PCSK5: variants seen among roughly 807,000 people sequenced by gnomAD.
PCSK5 encodes prohormone convertase 5.
Under a neutral mutation model 233.2 loss-of-function variants are expected in PCSK5, and 129 were observed. The observed-to-expected ratio is 0.55, with a 90% CI of 0.48 to 0.64. The LOEUF (loss-of-function observed/expected upper bound fraction) is 0.64, where lower values mean the gene tolerates loss of function less well. PCSK5 is among the 30% of genes least tolerant of loss of function. The pLI, the probability that PCSK5 is intolerant of heterozygous loss-of-function variation, is 0.00. For missense variants in PCSK5, 2,076 were observed against 2,430.1 expected (o/e 0.85, Z 3.06); for synonymous variants, 825 against 879.2 (o/e 0.94, Z 1.09).
intron 12 of PCSK5, among the ~76,000 whole-genome samples, chr9:76,167,900 C>T (rs1057039779): frequency 1.3e-5 from 2 of 152,198 alleles, no homozygotes; most frequent in Non-Finnish European, 2.9e-5. Flanking sequence ...AGTAACTGGA[C>T]ATGATTGCCC....
chr9:75,942,081 G>C lies in PCSK5; in HGVS notation c.297+9598G>C, dbSNP rs543920718. Reference sequence around the variant, plus strand: ...GTGGTAGTGCAGGTAACATGAGTGAGTGAGAAGGGCCAGGCAGGAGCTCAC... The same window carrying C: ...GTGGTAGTGCAGGTAACATGAGTGACTGAGAAGGGCCAGGCAGGAGCTCAC... On this transcript the variant is annotated intron_variant, in intron 2 of 37. Transcript: ENST00000674117. Among the ~76,000 whole-genome samples, 159 of 152,366 alleles carry C rather than the reference G, an allele frequency of 1.0e-3. 1 individual carries two copies. The highest frequency in any genetic ancestry group is 1.7e-3 in the Non-Finnish European group (119 of 68,038).
intron 2 of PCSK5, among the ~76,000 whole-genome samples, chr9:75,936,000 TTGTAA>T (rs1824039733): frequency 6.6e-6 from 1 of 152,200 alleles, no homozygotes; most frequent in South Asian, 2.1e-4. Flanking sequence ...AAAGCAAATA[TTGTAA>T]TAAAGCAAGT....
chr9:76,015,891 C>G (rs992299861), intron 3 of PCSK5, among the ~76,000 whole-genome samples: 1 of 152,160 alleles, frequency 6.6e-6, no homozygotes, highest in Non-Finnish European at 1.5e-5. Flanking sequence ...TCCCATTTTT[C>G]TCATCTCCCA....
intron 7 of PCSK5, among the ~76,000 whole-genome samples, chr9:76,074,355 G>A (rs1477990935): frequency 3.9e-5 from 6 of 151,920 alleles, no homozygotes; most frequent in African/African-American, 1.4e-4. Flanking sequence ...TTTTACTTAG[G>A]GAAAAAAAGG....
At chr9:76,112,232 CA>C (rs1832248210) in intron 9 of PCSK5, among the ~76,000 whole-genome samples, 1 of 152,116 alleles carries the variant, frequency 6.6e-6, no homozygotes, top group Non-Finnish European at 1.5e-5. Context: ...GGGACTGAGT[CA>C]GGTTGAAACT....
intron 1 of PCSK5, among the ~76,000 whole-genome samples, chr9:75,921,089 A>G (rs774733950): frequency 6.6e-6 from 1 of 152,166 alleles, no homozygotes; most frequent in Non-Finnish European, 1.5e-5. Context: ...AGATAGGAAT[A>G]TTTAAATGGA....
intron 20 of PCSK5, among the ~76,000 whole-genome samples, chr9:76,211,572 G>A (rs1825328742): frequency 6.6e-6 from 1 of 152,212 alleles, no homozygotes; most frequent in Admixed American, 6.5e-5. Context: ...TTAAGTCTGG[G>A]CATGGTGGCT....
chr9:75,948,128 T>C (rs2131316475), intron 2 of PCSK5, among the ~76,000 whole-genome samples: 1 of 152,256 alleles, frequency 6.6e-6, no homozygotes, highest in East Asian at 1.9e-4. Flanking sequence ...ATTATAGGCA[T>C]GAGCCATCAT....
intron 5 of PCSK5, among the ~76,000 whole-genome samples, chr9:76,030,819 C>T (rs1337228018): frequency 6.6e-6 from 1 of 152,012 alleles, no homozygotes; most frequent in Admixed American, 6.6e-5. Context: ...TTCCCAAGAC[C>T]CTTGTTCAAG....
intron 5 of PCSK5, among the ~76,000 whole-genome samples, chr9:76,036,192 C>A (rs116550585): frequency 6.6e-6 from 1 of 152,180 alleles, no homozygotes; most frequent in African/African-American, 2.4e-5. Context: ...TTTTTGTATT[C>A]TAGCAATTTA....
chr9:76,013,344 C>T (rs1827811997), intron 3 of PCSK5, among the ~76,000 whole-genome samples: 1 of 152,326 alleles, frequency 6.6e-6, no homozygotes, highest in Non-Finnish European at 1.5e-5. Context: ...TCCTCTCTTC[C>T]TCTTCCATCC....
rs569610613 is a variant in PCSK5, at chr9:76,231,736, G to A, written c.2730-1724G>A. Among the ~76,000 whole-genome samples the A allele has an allele frequency of 1.1e-4, 16 of 152,270 alleles. No homozygotes were observed. In the South Asian group the frequency reaches 3.1e-3, roughly 30 times the overall value. ...TTCCCCTTTGGCATTAGTGCCATCC[G>A]CTAAAAATCTGGGCTGGGAGCACAG... On this transcript the variant is annotated intron_variant, in intron 21 of 37. Coordinates refer to ENST00000674117, the MANE Select transcript of PCSK5 (RefSeq NM_001372043.1).
At chr9:76,057,004 A>G (rs1264331871) in intron 5 of PCSK5, among the ~76,000 whole-genome samples, 1 of 152,192 alleles carries the variant, frequency 6.6e-6, no homozygotes. Flanking sequence ...TATTTATTAC[A>G]TAAGAATTGA....
chr9:76,055,524 C>T (rs1829788895), intron 5 of PCSK5, among the ~76,000 whole-genome samples: 1 of 151,172 alleles, frequency 6.6e-6, no homozygotes. Context: ...TTATTATTTC[C>T]TTCTTGTAAT....
intron 2 of PCSK5, among the ~76,000 whole-genome samples, chr9:75,945,453 C>T (rs759017569): frequency 5.3e-5 from 8 of 152,150 alleles, no homozygotes; most frequent in Non-Finnish European, 1.2e-4. Flanking sequence ...TCCCCCTGCA[C>T]TGCCACCATC....
intron 25 of PCSK5, among the ~76,000 whole-genome samples, chr9:76,293,041 A>G (rs1384457621): frequency 6.6e-6 from 1 of 152,202 alleles, no homozygotes; most frequent in Non-Finnish European, 1.5e-5. Context: ...CCTGAAGAGA[A>G]AACTGAAGCT....
At chr9:75,965,214 G>A (rs1015512496) in intron 2 of PCSK5, among the ~76,000 whole-genome samples, 3 of 152,088 alleles carry the variant, frequency 2.0e-5, no homozygotes, top group East Asian at 1.9e-4. Context: ...GGGCCAGTAG[G>A]AGATATACAT....
At chr9:76,026,491 G>T (rs1234972275) in intron 4 of PCSK5, among the ~76,000 whole-genome samples, 2 of 152,156 alleles carry the variant, frequency 1.3e-5, no homozygotes, top group Middle Eastern at 3.2e-3. Context: ...ATATGTGAAT[G>T]ATTTTTGTCT....
intron 22 of PCSK5, among the ~76,000 whole-genome samples, chr9:76,234,025 G>A (rs1483676851): frequency 6.6e-6 from 1 of 152,038 alleles, no homozygotes; most frequent in Non-Finnish European, 1.5e-5. Flanking sequence ...CGTTTCAAAT[G>A]ATTACAAATG....
Sources: gnomAD v4.1 joint callset for allele counts (sites outside exome capture counted in the v4.1 genomes callset) on GRCh38, gnomAD v4.1.1 for gene constraint, MANE v1.5 for transcripts, NCBI Gene and HGNC (gene_info 2026-07-23, HGNC 2026-07-21) for gene names.